Variants in CUBN observed in about 807,000 individuals in gnomAD.
The protein encoded by CUBN is 460 kDa receptor.
Under a neutral mutation model 405.3 loss-of-function variants are expected in CUBN, and 282 were observed. That is an observed-to-expected ratio of 0.70 (90% CI 0.63 to 0.77). The LOEUF (loss-of-function observed/expected upper bound fraction) is 0.77, where lower values mean the gene tolerates loss of function less well. Ranked by LOEUF, CUBN falls within the 30% of genes least tolerant of loss-of-function variation. CUBN has a pLI of 0.00. For missense variants in CUBN, 4,514 were observed against 4,475.2 expected (o/e 1.01, Z -0.25); for synonymous variants, 1,684 against 1,617.0 (o/e 1.04, Z -0.99).
chr10:17,127,820 C>T lies in CUBN; in HGVS notation c.348+9G>A. On this transcript the variant is annotated intron_variant, in intron 3 of 66. Transcript: ENST00000377833. Reference sequence around the variant, plus strand: ...TCATCGGTTCTTATGACGTAGATGTCAGACTTACCTTGGAATTAAGCTGAT... The same window carrying T: ...TCATCGGTTCTTATGACGTAGATGTTAGACTTACCTTGGAATTAAGCTGAT... 1 of 1,604,368 alleles carries T rather than the reference C, an allele frequency of 6.2e-7. No homozygotes were observed. Among genetic ancestry groups the T allele is most frequent in the Non-Finnish European group, 8.5e-7 (1 of 1,171,254 alleles).
chr10:16,931,534 T>C (rs1285797920), intron 40 of CUBN, among the ~76,000 whole-genome samples: 5 of 152,258 alleles, frequency 3.3e-5, no homozygotes, highest in East Asian at 1.9e-4. Flanking sequence ...CAAGCCGCCC[T>C]GTGCCTGAGC....
chr10:17,012,212 G>C (rs1834204807), intron 28 of CUBN, among the ~76,000 whole-genome samples: 1 of 152,194 alleles, frequency 6.6e-6, no homozygotes, highest in Admixed American at 6.5e-5. Context: ...AAAATACAGG[G>C]CCCGAAGGCA....
intron 19 of CUBN, among the ~76,000 whole-genome samples, chr10:17,070,711 C>T (rs1017864818): frequency 2.6e-5 from 4 of 152,108 alleles, no homozygotes; most frequent in African/African-American, 7.2e-5. Flanking sequence ...ATTTTGATCT[C>T]ATAACCCACA....
rs752572033 is a variant in CUBN at position 16,982,554 on chromosome 10, A to C, written c.4625T>G (p.Val1542Gly). 1 of 1,613,914 alleles carries C rather than the reference A, an allele frequency of 6.2e-7. No homozygotes were observed. The highest frequency in any genetic ancestry group is 1.7e-5 in the Admixed American group (1 of 60,028). ...CAAGAGAACACGATGATTTCTGTCA[A>C]CCCGAATGACCCAAGAACAGTCTGT... ...SNTDCSWVIR[V>G]DRNHRVLLNF... The change falls in exon 31 of 67, where the codon GTT (valine) becomes GGT (glycine). Residue 1542 changes from valine (V) to glycine (G), a missense_variant. This residue lies in a region of CUBN where 1,613 missense variants were observed against 1,542.8 expected (regional missense o/e 1.05). Coordinates refer to ENST00000377833, the MANE Select transcript of CUBN (RefSeq NM_001081.4).
Position 16,901,372 on chromosome 10 carries a change from G to C in CUBN, c.8150C>G (p.Ser2717Trp), listed in dbSNP as rs2796835. ...NAYDSLTHCS[S>W]LLEAPQGHTI... ...GTGCCCTTGTGGGGCCTCCAACAGC[G>C]AAGAGCAGTGGGTCAGGCTGTCATA... The change falls in exon 52 of 67, where the codon TCG (serine) becomes TGG (tryptophan). Residue 2717 changes from serine to tryptophan, a missense_variant. Ser to Trp is a radical substitution (Grantham distance 177, BLOSUM62 -3). Around this residue, in one of 5 missense-constraint regions of CUBN, gnomAD observed 1,186 missense variants for 1,186.9 expected, o/e 1.00. Coordinates refer to ENST00000377833, the MANE Select transcript of CUBN (RefSeq NM_001081.4). The C allele has an allele frequency of 1, 1,614,165 of 1,614,172 alleles. 807,079 individuals are homozygous for C. Among genetic ancestry groups the C allele is most frequent in the Middle Eastern group, 1 (6,060 of 6,060 alleles).
chr10:16,972,985 G>A (rs11254305), intron 31 of CUBN, among the ~76,000 whole-genome samples: 43,307 of 151,956 alleles, frequency 0.28, 6,354 homozygotes, highest in African/African-American at 0.34. Context: ...ACACACTGCT[G>A]CCTGTTGTCA....
chr10:17,005,218 A>T (rs1488707778), intron 28 of CUBN, among the ~76,000 whole-genome samples: 1 of 152,126 alleles, frequency 6.6e-6, no homozygotes, highest in African/African-American at 2.4e-5. Flanking sequence ...GTCCTGCGTC[A>T]ACTTCTATCA....
chr10:17,107,593 G>T (rs1836667310), intron 10 of CUBN, among the ~76,000 whole-genome samples: 1 of 148,384 alleles, frequency 6.7e-6, no homozygotes, highest in Non-Finnish European at 1.5e-5. Flanking sequence ...CGCCTCCCGG[G>T]TTCACGCCAT....
rs147002917 is a variant in CUBN, at chr10:17,090,156, T to G, written c.1766-1811A>C. Among the ~76,000 whole-genome samples, 96 of 151,722 alleles carry G rather than the reference T, an allele frequency of 6.3e-4. 2 individuals carry two copies. Among genetic ancestry groups the G allele is most frequent in the Admixed American group, 6.1e-3 (93 of 15,260 alleles). On this transcript the variant is annotated intron_variant, in intron 14 of 66. Transcript: ENST00000377833. ...ACAAGCCAAATGTCCGTCAATAGAG[T>G]ATTGATTGAACAGAAAATGAGACAT... is the stretch of plus-strand genomic sequence containing the variant.
chr10:16,906,391 G>C lies in CUBN; in HGVS notation c.7724C>G (p.Pro2575Arg), dbSNP rs3740168. Residue 2575 changes from proline (P) to arginine (R), a missense_variant, in exon 50 of 67, where the codon CCA becomes CGA. Pro to Arg is a moderately radical substitution (Grantham distance 103, BLOSUM62 -2). This residue lies in a region of CUBN where 1,613 missense variants were observed against 1,542.8 expected (regional missense o/e 1.05). Transcript: ENST00000377833. Reference sequence around the variant, plus strand: ...AGTAAAGTTTCCTTCAGGAGTATTTGGAAGAGACCCACCACACACTAAGAA... The same window carrying C: ...AGTAAAGTTTCCTTCAGGAGTATTTCGAAGAGACCCACCACACACTAAGAA... The part of the protein sequence containing the change: ...SEDAVCGGSL[P>R]NTPEGNFTSP... The C allele has an allele frequency of 0.026, 41,660 of 1,613,304 alleles. 1,387 individuals carry two copies. Among genetic ancestry groups the C allele is most frequent in the East Asian group, 0.13 (5,856 of 44,848 alleles).
chr10:16,999,164 G>A (rs7904146), intron 28 of CUBN, among the ~76,000 whole-genome samples: 18,174 of 152,034 alleles, frequency 0.12, 1,204 homozygotes, highest in African/African-American at 0.18. Flanking sequence ...TCCTATTCAA[G>A]ATGTCATATA....
At chr10:17,127,743 G>C in intron 3 of CUBN, 86 bp downstream of exon 3, 3 of 884,138 alleles carry the variant, frequency 3.4e-6, no homozygotes, top group Non-Finnish European at 3.7e-6. Context: ...AGCACACAAA[G>C]TTGGTATATC....
intron 13 of CUBN, 100 bp downstream of exon 13, chr10:17,103,025 G>A: frequency 1.3e-6 from 1 of 788,876 alleles, no homozygotes; most frequent in Middle Eastern, 3.4e-4. Context: ...TATGATAGTT[G>A]AATTATCATT....
chr10:16,849,243 C>T (rs1027375298), intron 60 of CUBN, among the ~76,000 whole-genome samples: 2 of 151,862 alleles, frequency 1.3e-5, no homozygotes, highest in African/African-American at 4.8e-5. Flanking sequence ...TTCAGGGATA[C>T]TACACTATTC....
intron 49 of CUBN, among the ~76,000 whole-genome samples, chr10:16,907,131 TC>T (rs1841575096): frequency 6.6e-6 from 1 of 152,264 alleles, no homozygotes; most frequent in South Asian, 2.1e-4. Flanking sequence ...GCCTGTTCTG[TC>T]CCCAGCAAAA....
At chr10:16,986,742 C>A (rs1474652786) in intron 29 of CUBN, among the ~76,000 whole-genome samples, 1 of 151,880 alleles carries the variant, frequency 6.6e-6, no homozygotes, top group Non-Finnish European at 1.5e-5. Flanking sequence ...TTTTCAAGAT[C>A]TCCCTACCCC....
intron 16 of CUBN, 122 bp downstream of exon 16, chr10:17,085,475 A>T: frequency 9.8e-7 from 1 of 1,018,896 alleles, no homozygotes; most frequent in Non-Finnish European, 1.5e-6. Context: ...AATATTTATA[A>T]AGAAATGTTC....
intron 48 of CUBN, among the ~76,000 whole-genome samples, chr10:16,908,957 A>G (rs1841640567): frequency 7.1e-6 from 1 of 141,148 alleles, no homozygotes; most frequent in African/African-American, 2.7e-5. Context: ...ATCTCGGCTC[A>G]CTGCAAGCTC....
rs748069390 is a variant in CUBN at position 17,068,102 on chromosome 10, C to T, written c.2970G>A (p.Leu990=). 1.9e-6 allele frequency: 3 copies of T among 1,613,272 alleles called. No individual in the cohort carries two copies. Among genetic ancestry groups the T allele is most frequent in the African/African-American group, 2.7e-5 (2 of 74,842 alleles). The stretch of plus-strand genomic sequence containing the variant: ...TCTCAGAGTCGGTGTCATAAACTTC[C>T]AAGTAGTCGTTTGTGCAATTGTAAT... ...EFHYNCTNDY[L]EVYDTDSETS... Residue 990 remains leucine (L), a synonymous_variant, in exon 21 of 67, where the codon TTG becomes TTA. Transcript: ENST00000377833.
Sources: allele counts gnomAD v4.1 joint callset (sites outside exome capture counted in the v4.1 genomes callset), GRCh38; gene constraint gnomAD v4.1.1; regional missense constraint gnomAD v4.1.1; transcripts MANE v1.5; gene names NCBI Gene and HGNC (gene_info 2026-07-23, HGNC 2026-07-21).